Variants in FOXP1 observed in about 807,000 individuals in gnomAD.
FOXP1 encodes forkhead box P1.
FOXP1 carries 15 observed loss-of-function variants against 98.2 expected under a neutral mutation model. That is an observed-to-expected ratio of 0.15 (90% CI 0.10 to 0.24). The LOEUF (loss-of-function observed/expected upper bound fraction) is 0.24, where lower values mean the gene tolerates loss of function less well. FOXP1 is among the 10% of genes least tolerant of loss of function. The probability of loss-of-function intolerance (pLI) is 1.00; values close to 1 mark genes in which losing one functional copy is unlikely to be tolerated. For synonymous variants in FOXP1, 371 were observed against 314.5 expected (o/e 1.18, Z -1.90); for missense variants, 633 against 848.5 (o/e 0.75, Z 3.15).
intron 4 of FOXP1, among the ~76,000 whole-genome samples, chr3:71,356,532 T>C (rs2078173072): frequency 6.6e-6 from 1 of 152,178 alleles, no homozygotes; most frequent in African/African-American, 2.4e-5. Flanking sequence ...GGGTGCCTAG[T>C]ACAATGCTGG....
At chr3:71,248,533 G>C (rs547592106) in intron 5 of FOXP1, among the ~76,000 whole-genome samples, 1 of 152,192 alleles carries the variant, frequency 6.6e-6, no homozygotes, top group South Asian at 2.1e-4. Flanking sequence ...ACGAGCTCAG[G>C]AGTTCAAGAC....
At chr3:71,367,385 T>C (rs2078996390) in intron 3 of FOXP1, among the ~76,000 whole-genome samples, 1 of 152,216 alleles carries the variant, frequency 6.6e-6, no homozygotes. Context: ...GGCTTCCCAG[T>C]AGTGTCAGAA....
At chr3:71,540,394 G>C (rs1010056824) in intron 2 of FOXP1, among the ~76,000 whole-genome samples, 3 of 152,222 alleles carry the variant, frequency 2.0e-5, no homozygotes, top group Non-Finnish European at 2.9e-5. Context: ...GTGAAGGGGG[G>C]ACAAGAAGGG....
chr3:71,163,779 G>A (rs1053766117), intron 6 of FOXP1, among the ~76,000 whole-genome samples: 2 of 152,008 alleles, frequency 1.3e-5, no homozygotes, highest in African/African-American at 2.4e-5. Flanking sequence ...TCTTGCCACC[G>A]AGGCCAGCCA....
intron 3 of FOXP1, among the ~76,000 whole-genome samples, chr3:71,482,970 G>A (rs1182526545): frequency 6.6e-6 from 1 of 151,574 alleles, no homozygotes; most frequent in East Asian, 1.9e-4. Flanking sequence ...CATGTAGCTG[G>A]GACTACAGGT....
chr3:71,444,418 G>A (rs957479387), intron 3 of FOXP1, among the ~76,000 whole-genome samples: 19 of 151,086 alleles, frequency 1.3e-4, no homozygotes, highest in African/African-American at 4.6e-4. Flanking sequence ...GGTGGGGACA[G>A]AACTTCCTGC....
At chr3:71,139,492 TAAAA>T (rs913590340) in intron 6 of FOXP1, among the ~76,000 whole-genome samples, 3 of 142,888 alleles carry the variant, frequency 2.1e-5, no homozygotes, top group Non-Finnish European at 4.6e-5. Flanking sequence ...GTAGAGTGAT[TAAAA>T]AAAAAAAAAG....
intron 11 of FOXP1, 88 bp from the exon 12 acceptor site, chr3:71,015,741 C>T: frequency 1.2e-6 from 1 of 831,798 alleles, no homozygotes; most frequent in Non-Finnish European, 2.1e-6. Flanking sequence ...AGGAGGAGCC[C>T]ACATGGCCAA....
intron 4 of FOXP1, chr3:71,333,223 A>C (rs1448746419): frequency 6.6e-6 from 1 of 152,214 alleles, no homozygotes; most frequent in African/African-American, 2.4e-5. Context: ...CAGTAAAGAT[A>C]TTTTAGAAAG....
intron 4 of FOXP1, among the ~76,000 whole-genome samples, chr3:71,327,227 A>G (rs1472782726): frequency 6.9e-6 from 1 of 144,994 alleles, no homozygotes; most frequent in African/African-American, 2.5e-5. Flanking sequence ...ACTTTGATGG[A>G]TCAATGAGGG....
At position 70,977,703 on chromosome 3, in the gene FOXP1, T is replaced by G; in HGVS notation, c.1368A>C (p.Gln456His). ...TAACTTCTGCGTTCTTATAAAATTC[T>G]TGGTTCTGCGCAATATCTGCTGAAT... ...PISSADIAQN[Q>H]EFYKNAEVRP... The change falls in exon 16 of 21, where the codon CAA (glutamine) becomes CAC (histidine). Residue 456 changes from glutamine (Q) to histidine (H), a missense_variant. Physicochemically the swap from Gln to His is conservative, Grantham distance 24 (BLOSUM62 0). Around this residue, in one of 6 missense-constraint regions of FOXP1, gnomAD observed 141 missense variants for 199.5 expected, o/e 0.71. Transcript: ENST00000649528. 6.2e-7 allele frequency: 1 copy of G among 1,614,228 alleles called. No individual in the cohort carries two copies.
intron 3 of FOXP1, among the ~76,000 whole-genome samples, chr3:71,444,973 C>A (rs1309404159): frequency 6.6e-6 from 1 of 152,140 alleles, no homozygotes; most frequent in East Asian, 1.9e-4. Flanking sequence ...GAAGGATATC[C>A]TTTTCAAAGT....
At chr3:71,338,178 C>A (rs545349715) in intron 4 of FOXP1, among the ~76,000 whole-genome samples, 2 of 152,162 alleles carry the variant, frequency 1.3e-5, no homozygotes, top group Non-Finnish European at 2.9e-5. Context: ...AAAGTGAGAT[C>A]TGCAAAAACA....
chr3:71,446,405 C>G (rs1405114910), intron 3 of FOXP1, among the ~76,000 whole-genome samples: 3 of 151,968 alleles, frequency 2.0e-5, no homozygotes, highest in African/African-American at 7.3e-5. Context: ...TGGGTGAAAC[C>G]TCGTAAACTC....
intron 2 of FOXP1, chr3:71,568,013 A>G (rs963389451): frequency 6.4e-5 from 8 of 125,208 alleles, no homozygotes; most frequent in African/African-American, 1.8e-4. Context: ...GGGAGGAAGG[A>G]AGGAAGGAAG....
chr3:71,102,344 G>A (rs1288317131), intron 7 of FOXP1, among the ~76,000 whole-genome samples: 1 of 152,204 alleles, frequency 6.6e-6, no homozygotes, highest in East Asian at 1.9e-4. Context: ...AAAAGTTCCC[G>A]ATCTTTTGTT....
chr3:71,360,229 T>G (rs554573110), intron 3 of FOXP1, among the ~76,000 whole-genome samples: 64 of 152,326 alleles, frequency 4.2e-4, no homozygotes, highest in African/African-American at 1.5e-3. Flanking sequence ...CTCAATGCAC[T>G]CAGTAGAAGA....
intron 2 of FOXP1, among the ~76,000 whole-genome samples, chr3:71,499,345 A>G (rs938386698): frequency 1.3e-5 from 2 of 152,140 alleles, no homozygotes; most frequent in Non-Finnish European, 2.9e-5. Flanking sequence ...GTCAAATTCA[A>G]TGTGTTGCCC....
Position 71,273,134 on chromosome 3 carries a change from G to C in FOXP1, c.-12+26686C>G, listed in dbSNP as rs1365363233. ...AAGGTGCACATCCTTCTTCCTTCTG[G>C]TCCTTGTGCGTCCCATGGGGTCCAC... On this transcript the variant is annotated intron_variant, in intron 5 of 20. Coordinates refer to ENST00000649528, the MANE Select transcript of FOXP1 (RefSeq NM_001349338.3). Among the ~76,000 whole-genome samples, 4 of 152,176 alleles carry C rather than the reference G, an allele frequency of 2.6e-5. No homozygotes were observed. The East Asian group carries it at 7.7e-4, about 29-fold the overall frequency.
Sources: allele counts gnomAD v4.1 joint callset (sites outside exome capture counted in the v4.1 genomes callset), GRCh38; gene constraint gnomAD v4.1.1; regional missense constraint gnomAD v4.1.1; transcripts MANE v1.5; gene names NCBI Gene and HGNC (gene_info 2026-07-23, HGNC 2026-07-21).